Variants in PAK3 observed in about 807,000 individuals in gnomAD.
PAK3 encodes p21 (RAC1) activated kinase 3, also known as serine/threonine-protein kinase PAK 3.
Under a neutral mutation model 41.0 loss-of-function variants are expected in PAK3, and 4 were observed. The ratio of observed to expected loss-of-function variants is 0.10; its 90% CI spans 0.05 to 0.22. PAK3 has a LOEUF of 0.22. Ranked by LOEUF, PAK3 falls within the 10% of genes least tolerant of loss-of-function variation. The pLI is 1.00. For synonymous variants in PAK3, 146 were observed against 139.6 expected (o/e 1.05, Z -0.32); for missense variants, 205 against 409.9 (o/e 0.50, Z 4.32).
intron 1 of PAK3, among the ~76,000 whole-genome samples, chrX:111,028,499 A>T (rs1188469556): frequency 8.9e-6 from 1 of 111,875 alleles, no homozygotes; most frequent in African/African-American, 3.2e-5. Context: ...CAATGAAAAA[A>T]GAATTTGTTA....
chrX:111,123,264 G>T lies in PAK3; in HGVS notation c.161G>T (p.Gly54Val), dbSNP rs150741170. 1.2e-5 allele frequency: 14 copies of T among 1,203,427 alleles called. No homozygotes were observed. Among genetic ancestry groups the T allele is most frequent in the Non-Finnish European group, 1.6e-5 (14 of 888,788 alleles). Residue 54 changes from glycine (G) to valine (V), a missense_variant, in exon 5 of 18, where the codon GGA (glycine) becomes GTA (valine). Physicochemically the swap from Gly to Val is moderately radical, Grantham distance 109. Coordinates refer to ENST00000372007, the MANE Select transcript of PAK3 (RefSeq NM_002578.5). ...KKARLRSIFP[G>V]GGDKTNKKKE... ...GCCAGGCTTCGCTCTATCTTCCCAGGAGGAGGGGATAAAAGTAAAGTATCA... is the reference window on the plus strand; with the variant it reads ...GCCAGGCTTCGCTCTATCTTCCCAGTAGGAGGGGATAAAAGTAAAGTATCA...
chrX:111,188,776 A>C (rs2094535822), intron 11 of PAK3, among the ~76,000 whole-genome samples: 1 of 112,345 alleles, frequency 8.9e-6, no homozygotes, highest in African/African-American at 3.2e-5. Flanking sequence ...TGTGCCATGC[A>C]CAATCTCTAC....
Position 111,139,442 on chromosome X carries a change from T to C in PAK3, c.176-2654T>C, listed in dbSNP as rs752457717. 1.2e-3 allele frequency among the ~76,000 whole-genome samples: 135 copies of C among 110,766 alleles called. 1 individual carries two copies. The highest frequency in any genetic ancestry group is 2.0e-3 in the Non-Finnish European group (108 of 53,243). ...TGCCTTAGTATTGTTTTTATTTGAA[T>C]TGCATATTGGAGAGGAGGATCATAA... On this transcript the variant is annotated intron_variant, in intron 5 of 17. Coordinates refer to ENST00000372007, the MANE Select transcript of PAK3 (RefSeq NM_002578.5).
At chrX:111,180,905 C>T (rs755648491) in intron 11 of PAK3, among the ~76,000 whole-genome samples, 2 of 111,843 alleles carry the variant, frequency 1.8e-5, no homozygotes, top group East Asian at 5.7e-4. Flanking sequence ...ACAAAGTTAT[C>T]ATTAGAATAG....
intron 4 of PAK3, among the ~76,000 whole-genome samples, chrX:111,121,473 A>G (rs1474004209): frequency 8.9e-6 from 1 of 111,980 alleles, no homozygotes; most frequent in Non-Finnish European, 1.9e-5. Context: ...AAAATTCTCT[A>G]CCTAACATGA....
At chrX:111,124,010 C>T (rs1217128214) in intron 5 of PAK3, among the ~76,000 whole-genome samples, 1 of 111,704 alleles carries the variant, frequency 9.0e-6, no homozygotes, top group Non-Finnish European at 1.9e-5. Context: ...GAAGCAAGTA[C>T]AAGGGCACTG....
At chrX:111,135,001 A>G (rs918125208) in intron 5 of PAK3, among the ~76,000 whole-genome samples, 6 of 111,210 alleles carry the variant, frequency 5.4e-5, no homozygotes, top group African/African-American at 2.0e-4. Flanking sequence ...TCTGAAGGCA[A>G]TGGGGGAATA....
chrX:111,169,578 C>T (rs1250910928), intron 10 of PAK3, among the ~76,000 whole-genome samples: 2 of 111,093 alleles, frequency 1.8e-5, no homozygotes, highest in Non-Finnish European at 3.8e-5. Context: ...GAGAAAGCTT[C>T]CTAGAAGAGG....
intron 1 of PAK3, among the ~76,000 whole-genome samples, chrX:111,024,464 A>C (rs770531196): frequency 9.0e-6 from 1 of 111,676 alleles, no homozygotes; most frequent in Non-Finnish European, 1.9e-5. Flanking sequence ...ATAGCATTGA[A>C]TCTATAAATT....
At chrX:110,984,429 C>T (rs1002624556) in intron 1 of PAK3, among the ~76,000 whole-genome samples, 1 of 112,051 alleles carries the variant, frequency 8.9e-6, no homozygotes, top group Non-Finnish European at 1.9e-5. Flanking sequence ...CCTGAGTTTA[C>T]TTCTCTCTCT....
At chrX:111,082,664 A>C (rs189799899) in intron 1 of PAK3, among the ~76,000 whole-genome samples, 1 of 111,790 alleles carries the variant, frequency 8.9e-6, no homozygotes, top group East Asian at 2.8e-4. Flanking sequence ...AAAGGAAACC[A>C]GTTTTACTTG....
intron 11 of PAK3, among the ~76,000 whole-genome samples, chrX:111,186,818 A>G (rs2094515901): frequency 8.9e-6 from 1 of 111,960 alleles, no homozygotes; most frequent in African/African-American, 3.2e-5. Flanking sequence ...AAAGACACCA[A>G]CTTTTAAAAA....
At chrX:110,951,351 T>C (rs1411033580) in intron 1 of PAK3, among the ~76,000 whole-genome samples, 2 of 112,757 alleles carry the variant, frequency 1.8e-5, no homozygotes, top group Non-Finnish European at 3.7e-5. Flanking sequence ...CAATTTTCAA[T>C]CTATTCCTTT....
intron 1 of PAK3, among the ~76,000 whole-genome samples, chrX:110,953,035 G>A (rs756741285): frequency 1.9e-4 from 21 of 112,185 alleles, no homozygotes; most frequent in African/African-American, 6.1e-4. Context: ...GTTACAAGTG[G>A]AAAGGTCATC....
chrX:111,036,391 A>T (rs769935712), intron 1 of PAK3, among the ~76,000 whole-genome samples: 1 of 112,542 alleles, frequency 8.9e-6, no homozygotes, highest in East Asian at 2.8e-4. Flanking sequence ...AAGACGTTTA[A>T]TTGACTCACA....
chrX:111,026,802 A>G (rs2092276273), intron 1 of PAK3, among the ~76,000 whole-genome samples: 1 of 111,785 alleles, frequency 8.9e-6, no homozygotes, highest in South Asian at 3.7e-4. Flanking sequence ...AGAACTAGAA[A>G]AAATATCCTA....
chrX:111,047,966 C>A (rs753606727), intron 1 of PAK3, among the ~76,000 whole-genome samples: 3 of 111,546 alleles, frequency 2.7e-5, no homozygotes, highest in Non-Finnish European at 5.7e-5. Context: ...TTCTCTACAG[C>A]CCTGATAGCA....
chrX:111,141,745 T>C (rs1229318140), intron 5 of PAK3, among the ~76,000 whole-genome samples: 1 of 112,137 alleles, frequency 8.9e-6, no homozygotes, highest in Non-Finnish European at 1.9e-5. Flanking sequence ...TAGCTTGACT[T>C]GTATATGATG....
intron 1 of PAK3, among the ~76,000 whole-genome samples, chrX:111,076,586 A>G (rs1456522424): frequency 1.8e-5 from 2 of 111,821 alleles, no homozygotes; most frequent in Non-Finnish European, 3.8e-5. Flanking sequence ...ACTGTGAGCC[A>G]AAATAACCCT....
Sources: allele counts gnomAD v4.1 joint callset (sites outside exome capture counted in the v4.1 genomes callset), GRCh38; gene constraint gnomAD v4.1.1; transcripts MANE v1.5; gene names NCBI Gene and HGNC (gene_info 2026-07-23, HGNC 2026-07-21).